The following NXPE2 variants were observed in gnomAD, a reference collection of about 807,000 sequenced individuals.
NXPE2 encodes the protein NXPE family member 2.
NXPE2 carries 34 observed loss-of-function variants against 34.4 expected under a neutral mutation model. That is an observed-to-expected ratio of 0.99 (90% CI 0.75 to 1.31). NXPE2 has a LOEUF of 1.31. NXPE2 is among the 40% of genes most tolerant of loss of function. The probability of loss-of-function intolerance (pLI) is 0.00; values close to 1 mark genes in which losing one functional copy is unlikely to be tolerated. For synonymous variants in NXPE2, 235 were observed against 231.3 expected (o/e 1.02, Z -0.15); for missense variants, 649 against 672.5 (o/e 0.97, Z 0.39).
intron 2 of NXPE2, among the ~76,000 whole-genome samples, chr11:114,694,303 C>T (rs777291825): frequency 1.3e-5 from 2 of 152,176 alleles, no homozygotes; most frequent in Non-Finnish European, 2.9e-5. Flanking sequence ...GAGAAGAGGA[C>T]ATAGATATCT....
At chr11:114,569,479 A>G in the NXPE2 span, among the ~76,000 whole-genome samples, 4 of 152,158 alleles carry the variant, frequency 2.6e-5, no homozygotes, top group South Asian at 6.2e-4. Context: ...TTCCATATAC[A>G]TATAGGTAAG....
At chr11:114,751,627 A>G in the NXPE2 span, among the ~76,000 whole-genome samples, 1 of 152,146 alleles carries the variant, frequency 6.6e-6, no homozygotes, top group Non-Finnish European at 1.5e-5. Context: ...TAAATATTTC[A>G]GTCGGGAAAG....
At chr11:114,807,485 G>A in the NXPE2 span, among the ~76,000 whole-genome samples, 1 of 151,806 alleles carries the variant, frequency 6.6e-6, no homozygotes, top group Admixed American at 6.6e-5. Flanking sequence ...CAAAATAAAG[G>A]GATGGAGGAA....
At chr11:114,789,390 C>T in the NXPE2 span, among the ~76,000 whole-genome samples, 1 of 152,082 alleles carries the variant, frequency 6.6e-6, no homozygotes, top group African/African-American at 2.4e-5. Context: ...TAGTAATATT[C>T]AACTATTTTA....
the NXPE2 span, among the ~76,000 whole-genome samples, chr11:114,786,545 T>C: frequency 6.6e-6 from 1 of 152,082 alleles, no homozygotes; most frequent in Non-Finnish European, 1.5e-5. Flanking sequence ...GGCTGAGGAG[T>C]ACAGGTTGCT....
the NXPE2 span, among the ~76,000 whole-genome samples, chr11:114,644,849 C>A: frequency 2.0e-5 from 3 of 151,714 alleles, no homozygotes; most frequent in Admixed American, 1.3e-4. Context: ...GTAATTAAGA[C>A]AGTGTAGCAT....
At chr11:114,561,885 G>A in the NXPE2 span, among the ~76,000 whole-genome samples, 1 of 152,024 alleles carries the variant, frequency 6.6e-6, no homozygotes, top group African/African-American at 2.4e-5. Flanking sequence ...AAGAATTCTT[G>A]AGTTAACATT....
the NXPE2 span, among the ~76,000 whole-genome samples, chr11:114,666,745 TA>T: frequency 1.6e-3 from 251 of 152,288 alleles, 3 homozygotes; most frequent in Admixed American, 0.016. Context: ...GAAGCTTTTA[TA>T]AGGTAGAATA....
the NXPE2 span, chr11:114,582,384 C>T: frequency 1.2e-6 from 2 of 1,614,132 alleles, no homozygotes; most frequent in Admixed American, 3.3e-5. Context: ...GTGTTGAGGC[C>T]TCACACAGTA....
the NXPE2 span, among the ~76,000 whole-genome samples, chr11:114,499,900 C>T: frequency 1.3e-5 from 2 of 151,658 alleles, no homozygotes; most frequent in Non-Finnish European, 2.9e-5. Flanking sequence ...TTCTTTCCCT[C>T]AGCAAAGTGA....
the NXPE2 span, among the ~76,000 whole-genome samples, chr11:114,774,901 T>A: frequency 6.6e-6 from 1 of 152,216 alleles, no homozygotes; most frequent in African/African-American, 2.4e-5. Flanking sequence ...CGCTGGTACC[T>A]ATGGCTGGAC....
the NXPE2 span, among the ~76,000 whole-genome samples, chr11:114,468,419 G>A: frequency 6.6e-6 from 1 of 152,318 alleles, no homozygotes; most frequent in East Asian, 1.9e-4. Context: ...TTTGCATGGT[G>A]CAGTGGCTAG....
chr11:114,505,406 C>T, the NXPE2 span, among the ~76,000 whole-genome samples: 1 of 152,038 alleles, frequency 6.6e-6, no homozygotes, highest in Admixed American at 6.6e-5. Flanking sequence ...AAAAGATTAT[C>T]CCCAAGACAT....
At position 114,682,621 on chromosome 11, in the gene NXPE2, C is replaced by T. The variant is rs192133250; in HGVS notation, c.132+2859C>T. On this transcript the variant is annotated intron_variant, in intron 2 of 5. Coordinates refer to ENST00000389586, the MANE Select transcript of NXPE2 (RefSeq NM_182495.6). The stretch of plus-strand genomic sequence containing the variant: ...ACAGGAAGATGCAAGGAAGTAATAA[C>T]GTTAATTAAAATTTTTTTATTCTCA... 1.1e-3 allele frequency among the ~76,000 whole-genome samples: 161 copies of T among 152,180 alleles called. 1 individual carries two copies. The highest frequency in any genetic ancestry group is 8.4e-3 in the Admixed American group (128 of 15,276).
In NXPE2 at chr11:114,698,469, A is replaced by G; in HGVS notation, c.557A>G (p.Gln186Arg). The part of the protein sequence containing the change: ...LVSFTLFWEG[Q>R]VSLSLLLIHP... Reference sequence around the variant, plus strand: ...AGCTTCACTCTGTTCTGGGAGGGCCAGGTTTCCCTGTCTCTGCTGCTCATC... The same window carrying G: ...AGCTTCACTCTGTTCTGGGAGGGCCGGGTTTCCCTGTCTCTGCTGCTCATC... Residue 186 changes from glutamine (Q) to arginine (R), a missense_variant, in exon 3 of 6, where the codon CAG becomes CGG. Gln to Arg is a conservative substitution (Grantham distance 43). Transcript: ENST00000389586. 6.2e-7 allele frequency: 1 copy of G among 1,614,106 alleles called. No individual in the cohort carries two copies. Among genetic ancestry groups the G allele is most frequent in the South Asian group, 1.1e-5 (1 of 91,072 alleles).
At chr11:114,602,173 A>G in the NXPE2 span, among the ~76,000 whole-genome samples, 43 of 107,376 alleles carry the variant, frequency 4.0e-4, no homozygotes, top group East Asian at 1.3e-3. Context: ...ATAATATATT[A>G]TACTATATAC....
chr11:114,483,119 A>G, the NXPE2 span, among the ~76,000 whole-genome samples: 1 of 152,182 alleles, frequency 6.6e-6, no homozygotes, highest in Non-Finnish European at 1.5e-5. Context: ...TATAAACATA[A>G]GTTTTGAAAG....
chr11:114,678,151 G>T (rs76649765), upstream of NXPE2, among the ~76,000 whole-genome samples: 1,382 of 152,182 alleles, frequency 9.1e-3, 19 homozygotes, highest in African/African-American at 0.032. Context: ...TTCAGGAACC[G>T]TGGACTCAGG....
At chr11:114,636,514 G>A in the NXPE2 span, among the ~76,000 whole-genome samples, 3 of 151,656 alleles carry the variant, frequency 2.0e-5, no homozygotes, top group African/African-American at 7.3e-5. Flanking sequence ...GCTTTTGAAT[G>A]TGTTTGCTCT....
Sources: allele counts gnomAD v4.1 joint callset (sites outside exome capture counted in the v4.1 genomes callset), GRCh38; gene constraint gnomAD v4.1.1; transcripts MANE v1.5; gene names NCBI Gene and HGNC (gene_info 2026-07-23, HGNC 2026-07-21).